The following SAMD11 variants were observed in gnomAD, a reference collection of about 807,000 sequenced individuals.
SAMD11 encodes sterile alpha motif domain containing 11, also known as sterile alpha motif domain-containing protein 11.
Under a neutral mutation model 64.4 loss-of-function variants are expected in SAMD11, and 77 were observed. The observed-to-expected ratio is 1.20, with a 90% CI of 0.99 to 1.44. The LOEUF (loss-of-function observed/expected upper bound fraction) is 1.44. Ranked by LOEUF, SAMD11 falls within the 40% of genes most tolerant of loss-of-function variation. The probability of loss-of-function intolerance (pLI) is 0.00; values close to 1 mark genes in which losing one functional copy is unlikely to be tolerated. For synonymous variants in SAMD11, 658 were observed against 421.9 expected (o/e 1.56, Z -6.86); for missense variants, 1,402 against 943.3 (o/e 1.49, Z -6.37).
chr1:941,526 G>T (rs766235211), intron 8 of SAMD11, among the ~76,000 whole-genome samples: 54 of 152,044 alleles, frequency 3.6e-4, no homozygotes, highest in Non-Finnish European at 6.8e-4. Flanking sequence ...GGGTTCCCTG[G>T]AGGAGAAGCC....
At chr1:933,742 G>T (rs573025621) in intron 4 of SAMD11, among the ~76,000 whole-genome samples, 150 of 23,940 alleles carry the variant, frequency 6.3e-3, no homozygotes, top group Middle Eastern at 0.091. Flanking sequence ...CTATGTGCCT[G>T]GGGGGGGCTT....
Position 943,375 on chromosome 1 carries a change from C to A in SAMD11, c.2176C>A (p.Arg726=). 1 of 1,548,988 alleles carries A rather than the reference C, an allele frequency of 6.5e-7. No homozygotes were observed. The highest frequency in any genetic ancestry group is 8.7e-7 in the Non-Finnish European group (1 of 1,145,972). Residue 726 remains arginine (R), a splice_region_variant and synonymous_variant, in exon 12 of 14, where the codon CGG becomes AGG. Coordinates refer to ENST00000616016, the MANE Select transcript of SAMD11 (RefSeq NM_001385641.1). ...CCTGTCTGGCTGTGGAGAGTACACTCGGGTAAGGGGGGGCCCCAGTTCCTG... is the reference window on the plus strand; with the variant it reads ...CCTGTCTGGCTGTGGAGAGTACACTAGGGTAAGGGGGGGCCCCAGTTCCTG... ...GGLSGCGEYT[R]VFREQGIDGE... is the part of the protein sequence containing the mutation.
intron 7 of SAMD11, among the ~76,000 whole-genome samples, chr1:940,065 C>T (rs896189661): frequency 2.6e-5 from 4 of 152,294 alleles, no homozygotes; most frequent in Admixed American, 2.6e-4. Flanking sequence ...CTTGGCTTTT[C>T]GGGCTAGAGG....
Position 942,902 on chromosome 1 carries a change from G to T in SAMD11, c.1897G>T (p.Asp633Tyr). ...GSEDEPPKDSDGEDPETAAVG... is the reference protein window; with the variant it reads ...GSEDEPPKDSYGEDPETAAVG... ...GGAAGACGAGCCCCCCAAAGACTCG[G>T]ACGGAGAGGACCCCGAGACGGCAGC... Residue 633 changes from aspartate (D) to tyrosine (Y), a missense_variant, in exon 11 of 14, where the codon GAC becomes TAC. By Grantham distance (160) the Asp-to-Tyr change is radical (BLOSUM62 -3). Coordinates refer to ENST00000616016, the MANE Select transcript of SAMD11 (RefSeq NM_001385641.1). 3.2e-6 allele frequency: 5 copies of T among 1,555,928 alleles called. No homozygotes were observed. Among genetic ancestry groups the T allele is most frequent in the Non-Finnish European group, 4.3e-6 (5 of 1,150,134 alleles).
At chr1:941,613 C>T (rs1023905307) in intron 8 of SAMD11, among the ~76,000 whole-genome samples, 23 of 152,138 alleles carry the variant, frequency 1.5e-4, no homozygotes, top group East Asian at 5.8e-4. Context: ...GAGCTGGAGG[C>T]GGAGGGGGGG....
chr1:935,784 C>T lies in SAMD11; in HGVS notation c.855C>T (p.Asn285=), dbSNP rs142996477. Residue 285 remains asparagine (N), a synonymous_variant, in exon 5 of 14, where the codon AAC becomes AAT. Coordinates refer to ENST00000616016, the MANE Select transcript of SAMD11 (RefSeq NM_001385641.1). Reference sequence around the variant, plus strand: ...TCTCGTTCTGCAGCCAGGACGGCAACCTTCCCACCCTCATATCCAGCGTCC... The same window carrying T: ...TCTCGTTCTGCAGCCAGGACGGCAATCTTCCCACCCTCATATCCAGCGTCC... The part of the protein sequence containing the change: ...FREASCSQDG[N]LPTLISSVHR... 1.9e-6 allele frequency: 3 copies of T among 1,613,320 alleles called. No homozygotes were observed. Among genetic ancestry groups the T allele is most frequent in the Non-Finnish European group, 2.5e-6 (3 of 1,179,848 alleles).
In SAMD11 at chr1:925,909, G is replaced by C; in HGVS notation, c.518-13G>C. On this transcript the variant is annotated splice_polypyrimidine_tract_variant and intron_variant, in intron 1 of 13. Coordinates refer to ENST00000616016, the MANE Select transcript of SAMD11 (RefSeq NM_001385641.1). ...CCGCTCCCTCACAGGGTCTGCCTCG[G>C]CTCTGCTCGCAGGGAAAAGTCTGAA... The C allele has an allele frequency of 6.3e-7, 1 of 1,597,576 alleles. No individual in the cohort carries two copies. The highest frequency in any genetic ancestry group is 8.6e-7 in the Non-Finnish European group (1 of 1,168,308).
intron 2 of SAMD11, among the ~76,000 whole-genome samples, chr1:927,764 C>T (rs1045070932): frequency 2.0e-5 from 3 of 152,238 alleles, no homozygotes; most frequent in Non-Finnish European, 2.9e-5. Context: ...GCCGAGTTTT[C>T]AGATCTGTGT....
At chr1:931,135 T>TGGCCCCCCCCCCCC in intron 4 of SAMD11, 46 bp downstream of exon 4, 1 of 1,445,508 alleles carries the variant, frequency 6.9e-7, no homozygotes, top group Non-Finnish European at 9.5e-7. Context: ...GTGACTCCCC[T>TGGCCCCCCCCCCCC]CCCTCCCTCC....
In SAMD11 at chr1:943,715, G is replaced by C; in HGVS notation, c.2196G>C (p.Gly732=). 1 of 1,591,372 alleles carries C rather than the reference G, an allele frequency of 6.3e-7. No homozygotes were observed. The highest frequency in any genetic ancestry group is 8.6e-7 in the Non-Finnish European group (1 of 1,167,246). Residue 732 remains glycine (G), a synonymous_variant, in exon 13 of 14, where the codon GGG becomes GGC. Coordinates refer to ENST00000616016, the MANE Select transcript of SAMD11 (RefSeq NM_001385641.1). The stretch of plus-strand genomic sequence containing the variant: ...CCTTCCAGGTCTTCAGGGAGCAGGG[G>C]ATCGACGGGGAGACCCTGCCACTGC... ...GEYTRVFREQ[G]IDGETLPLLT...
Position 943,278 on chromosome 1 carries a change from T to TG in SAMD11, c.2083dup (p.Glu695GlyfsTer7). 1.9e-6 allele frequency: 3 copies of TG among 1,612,508 alleles called. No individual in the cohort carries two copies. Among genetic ancestry groups the TG allele is most frequent in the Non-Finnish European group, 2.5e-6 (3 of 1,179,772 alleles). ...GCGCGGTAGGGGGACTCTCCATGGA[T>TG]GGGGAGGAGGCCCCAGCCCCTGAGG... On this transcript the variant is annotated frameshift_variant, in exon 12 of 14. Coordinates refer to ENST00000616016, the MANE Select transcript of SAMD11 (RefSeq NM_001385641.1). LOFTEE classifies it high-confidence loss of function.
At chr1:925,755 C>A in intron 1 of SAMD11, 167 bp from the exon 2 acceptor site, 1 of 609,342 alleles carries the variant, frequency 1.6e-6, no homozygotes, top group South Asian at 1.8e-5. Flanking sequence ...ATCCCTGCGG[C>A]GTTCGCGAGG....
intron 4 of SAMD11, among the ~76,000 whole-genome samples, chr1:935,112 G>C (rs1641361404): frequency 6.6e-6 from 1 of 152,108 alleles, no homozygotes; most frequent in African/African-American, 2.4e-5. Context: ...TGTGGATGTG[G>C]GATTGGGCTG....
At chr1:940,340 T>G (rs1330969720) in intron 7 of SAMD11, 2 of 131,550 alleles carry the variant, frequency 1.5e-5, no homozygotes, top group Admixed American at 9.2e-5. Flanking sequence ...TAAATAACCC[T>G]GTAACTAACC....
intron 2 of SAMD11, among the ~76,000 whole-genome samples, chr1:929,312 G>A (rs1221029697): frequency 3.3e-5 from 5 of 152,230 alleles, no homozygotes; most frequent in African/African-American, 4.8e-5. Flanking sequence ...CGCTCGTTCC[G>A]TGGGTGCAAA....
In SAMD11 at chr1:939,105, A is replaced by T; in HGVS notation, c.1033A>T (p.Arg345Trp). The change falls in exon 6 of 14, where the codon AGG becomes TGG. Residue 345 changes from arginine to tryptophan, a missense_variant. Transcript: ENST00000616016. ...RISSDCFSEK[R>W]ARSESPQEAL... is the part of the protein sequence containing the mutation. ...CAGCAGCGACTGCTTTTCAGAGAAG[A>T]GGGCACGAAGCGAATCGCCTCAAGG... 1 of 1,602,204 alleles carries T rather than the reference A, an allele frequency of 6.2e-7. No homozygotes were observed. The highest frequency in any genetic ancestry group is 8.5e-7 in the Non-Finnish European group (1 of 1,174,664).
intron 8 of SAMD11, among the ~76,000 whole-genome samples, chr1:941,746 G>T (rs1641780794): frequency 6.6e-6 from 1 of 151,884 alleles, no homozygotes; most frequent in Admixed American, 6.5e-5. Context: ...GCCTGGAGAA[G>T]GGAGGGGCCG....
chr1:938,038 A>G (rs1288316871), intron 5 of SAMD11, among the ~76,000 whole-genome samples: 3 of 152,196 alleles, frequency 2.0e-5, no homozygotes, highest in South Asian at 2.1e-4. Context: ...CCACCCAGCT[A>G]GAGCCCTCAT....
rs199625867 is a variant in SAMD11 at position 939,121 on chromosome 1, C to T, written c.1049C>T (p.Ser350Leu). 1,006 of 1,592,950 alleles carry T rather than the reference C, an allele frequency of 6.3e-4. No individual in the cohort carries two copies. The highest frequency in any genetic ancestry group is 7.9e-4 in the Non-Finnish European group (920 of 1,169,740). The change falls in exon 6 of 14, where the codon TCG (serine) becomes TTG (leucine). Residue 350 changes from serine to leucine, a missense_variant. Physicochemically the swap from Ser to Leu is moderately radical, Grantham distance 145. Transcript: ENST00000616016. Reference sequence around the variant, plus strand: ...TCAGAGAAGAGGGCACGAAGCGAATCGCCTCAAGGTAAGAGCGTGGCTGGG... The same window carrying T: ...TCAGAGAAGAGGGCACGAAGCGAATTGCCTCAAGGTAAGAGCGTGGCTGGG... The part of the protein sequence containing the change: ...CFSEKRARSE[S>L]PQEALLLPRE...
Sources: allele counts gnomAD v4.1 joint callset (sites outside exome capture counted in the v4.1 genomes callset), GRCh38; gene constraint gnomAD v4.1.1; transcripts MANE v1.5; gene names NCBI Gene and HGNC (gene_info 2026-07-23, HGNC 2026-07-21).